APBB2: variants seen among roughly 807,000 people sequenced by gnomAD.
APBB2 encodes the protein Fe65-like 1.
In APBB2, 38 loss-of-function variants were observed where a neutral mutation model predicts 82.5. The ratio of observed to expected loss-of-function variants is 0.46; its 90% CI spans 0.36 to 0.60. The LOEUF (loss-of-function observed/expected upper bound fraction) is 0.60. Among genes scored for constraint, APBB2 ranks in the 20% least tolerant of loss-of-function variants. APBB2 has a pLI of 0.00. For synonymous variants in APBB2, 341 were observed against 368.2 expected (o/e 0.93, Z 0.85); for missense variants, 772 against 972.3 (o/e 0.79, Z 2.74).
intron 12 of APBB2, among the ~76,000 whole-genome samples, chr4:40,840,782 C>T (rs1755532360): frequency 6.6e-6 from 1 of 152,146 alleles, no homozygotes; most frequent in Non-Finnish European, 1.5e-5. Flanking sequence ...CTTGGGCAAA[C>T]TAGAATCTGT....
At chr4:40,962,053 G>T (rs1578778803) in intron 6 of APBB2, among the ~76,000 whole-genome samples, 2 of 152,266 alleles carry the variant, frequency 1.3e-5, no homozygotes, top group South Asian at 2.1e-4. Flanking sequence ...TCTCTAGAGG[G>T]TTAACAAAAT....
chr4:41,199,224 A>T (rs945089252), intron 1 of APBB2, among the ~76,000 whole-genome samples: 1 of 152,206 alleles, frequency 6.6e-6, no homozygotes, highest in Non-Finnish European at 1.5e-5. Flanking sequence ...CACAGAGATA[A>T]CTCGAGTCTC....
In APBB2 at chr4:41,185,622, T is replaced by C. The variant is rs141362837; in HGVS notation, c.-417+28783A>G. On this transcript the variant is annotated intron_variant, in intron 1 of 17. Coordinates refer to ENST00000508593, the MANE Select transcript of APBB2 (RefSeq NM_004307.2). ...AAAATAGTATTTTTTTCATTCAAAATAGTATTTCTTTCTTTCTCAGAGAAT... is the reference window on the plus strand; with the variant it reads ...AAAATAGTATTTTTTTCATTCAAAACAGTATTTCTTTCTTTCTCAGAGAAT... 9.7e-3 allele frequency among the ~76,000 whole-genome samples: 1,473 copies of C among 152,334 alleles called. 25 individuals are homozygous for C. The highest frequency in any genetic ancestry group is 0.034 in the African/African-American group (1,411 of 41,568).
At chr4:41,161,926 T>C (rs1202348362) in intron 1 of APBB2, among the ~76,000 whole-genome samples, 1 of 152,150 alleles carries the variant, frequency 6.6e-6, no homozygotes. Flanking sequence ...CAGCCAGCCA[T>C]CATCCAACTT....
In APBB2 at chr4:40,823,538, G is replaced by A. The variant is rs374002236; in HGVS notation, c.1932+106C>T. The stretch of plus-strand genomic sequence containing the variant: ...AAATGTAGGCCATCTTAATCACAAG[G>A]ATGCACAACTCCGGCCTTGACTATG... On this transcript the variant is annotated intron_variant, in intron 16 of 17. Transcript: ENST00000508593. 1.1e-4 allele frequency: 83 copies of A among 761,972 alleles called. No homozygotes were observed. In the African/African-American group the frequency reaches 1.3e-3, roughly 12 times the overall value. The allele number at this position is 761,972 out of a possible 1,614,324, so 47.2% of individuals were successfully genotyped here. A position where few individuals can be genotyped will look rare whatever the true frequency, so the allele number is the denominator to read the frequency against.
chr4:41,030,459 C>T (rs1323348663), intron 5 of APBB2, among the ~76,000 whole-genome samples: 1 of 152,096 alleles, frequency 6.6e-6, no homozygotes, highest in Non-Finnish European at 1.5e-5. Context: ...TTCACAGGCA[C>T]AGTCATCATG....
intron 2 of APBB2, among the ~76,000 whole-genome samples, chr4:41,130,970 T>C (rs1755806419): frequency 6.6e-6 from 1 of 152,098 alleles, no homozygotes; most frequent in Non-Finnish European, 1.5e-5. Context: ...AACTAGACCA[T>C]ACGTCACCAA....
At chr4:41,153,122 G>A (rs1172656425) in intron 1 of APBB2, among the ~76,000 whole-genome samples, 3 of 152,088 alleles carry the variant, frequency 2.0e-5, no homozygotes, top group Non-Finnish European at 4.4e-5. Flanking sequence ...TCAGATTAGG[G>A]ATGTTCAACC....
chr4:41,120,183 G>A (rs1187450766), intron 2 of APBB2, among the ~76,000 whole-genome samples: 1 of 152,150 alleles, frequency 6.6e-6, no homozygotes, highest in Non-Finnish European at 1.5e-5. Context: ...CAGAAAGACA[G>A]GATCCCTCTC....
intron 6 of APBB2, among the ~76,000 whole-genome samples, chr4:40,962,787 A>G (rs1178747539): frequency 6.6e-6 from 1 of 152,170 alleles, no homozygotes; most frequent in Admixed American, 6.5e-5. Flanking sequence ...ATATCACCAT[A>G]CAGCCTGCCT....
intron 10 of APBB2, among the ~76,000 whole-genome samples, chr4:40,910,459 C>T (rs1778249828): frequency 6.6e-6 from 1 of 152,064 alleles, no homozygotes; most frequent in African/African-American, 2.4e-5. Context: ...GGCTGGTCTT[C>T]AACTCCTGGG....
chr4:41,170,255 A>G (rs1767888606), intron 1 of APBB2, among the ~76,000 whole-genome samples: 1 of 152,228 alleles, frequency 6.6e-6, no homozygotes. Flanking sequence ...AATATATAAT[A>G]ATGTAGGCAT....
intron 12 of APBB2, among the ~76,000 whole-genome samples, chr4:40,854,303 T>C (rs1392945999): frequency 6.6e-6 from 1 of 152,242 alleles, no homozygotes; most frequent in Non-Finnish European, 1.5e-5. Context: ...GTTACACTAC[T>C]ACTTAGTATG....
intron 2 of APBB2, among the ~76,000 whole-genome samples, chr4:41,108,024 T>A (rs1035940009): frequency 6.6e-6 from 1 of 152,218 alleles, no homozygotes; most frequent in Non-Finnish European, 1.5e-5. Context: ...ATCATCTTAT[T>A]ATAGGCTATG....
intron 3 of APBB2, among the ~76,000 whole-genome samples, chr4:41,081,349 G>A (rs185010252): frequency 1.3e-5 from 2 of 152,224 alleles, no homozygotes; most frequent in African/African-American, 2.4e-5. Context: ...CAAAGAACAT[G>A]GCACAATTCT....
intron 10 of APBB2, among the ~76,000 whole-genome samples, chr4:40,918,478 T>A (rs757938347): frequency 6.6e-6 from 1 of 152,274 alleles, no homozygotes; most frequent in African/African-American, 2.4e-5. Flanking sequence ...ACCCACAGCC[T>A]ATCTCTTGGA....
At chr4:40,935,260 G>C (rs1358283816) in intron 7 of APBB2, 121 bp from the exon 8 acceptor site, 2 of 725,204 alleles carry the variant, frequency 2.8e-6, no homozygotes, top group Non-Finnish European at 4.4e-6. Flanking sequence ...ATGGGTTAGG[G>C]AACAAGTTAA....
chr4:40,821,838 G>C (rs1405291163), intron 17 of APBB2, 33 bp downstream of exon 17: 3 of 1,605,710 alleles, frequency 1.9e-6, no homozygotes, highest in Non-Finnish European at 1.7e-6. Flanking sequence ...GCAGAGGCGG[G>C]AGGGCTCAAC....
At chr4:41,010,703 T>C (rs1441835918) in intron 6 of APBB2, among the ~76,000 whole-genome samples, 1 of 152,148 alleles carries the variant, frequency 6.6e-6, no homozygotes, top group Non-Finnish European at 1.5e-5. Context: ...AACTTGTATA[T>C]AGTGGAATAG....
Sources: allele counts gnomAD v4.1 joint callset (sites outside exome capture counted in the v4.1 genomes callset), GRCh38; gene constraint gnomAD v4.1.1; transcripts MANE v1.5; gene names NCBI Gene and HGNC (gene_info 2026-07-23, HGNC 2026-07-21).